TRAPPC9: variants seen among roughly 807,000 people sequenced by gnomAD.
The protein encoded by TRAPPC9 is trafficking protein particle complex subunit 9, also known as IKK2 binding protein.
TRAPPC9 carries 83 observed loss-of-function variants against 124.0 expected under a neutral mutation model. The observed-to-expected ratio is 0.67, with a 90% CI of 0.56 to 0.80. TRAPPC9 has a LOEUF of 0.80. Ranked by LOEUF, TRAPPC9 falls within the 30% of genes least tolerant of loss-of-function variation. The pLI, the probability that TRAPPC9 is intolerant of heterozygous loss-of-function variation, is 0.00. For synonymous variants in TRAPPC9, 638 were observed against 617.5 expected, an observed-to-expected ratio of 1.03 and a Z score of -0.49; for missense variants, 1,302 against 1,508.3, an observed-to-expected ratio of 0.86 and a Z score of 2.27.
At chr8:140,416,491 C>G (rs2069932025) in intron 5 of TRAPPC9, among the ~76,000 whole-genome samples, 1 of 152,052 alleles carries the variant, frequency 6.6e-6, no homozygotes, top group Non-Finnish European at 1.5e-5. Context: ...GAATAAAATA[C>G]CTAGGAATAC....
chr8:140,445,908 G>C (rs1489685775), intron 2 of TRAPPC9, among the ~76,000 whole-genome samples: 1 of 152,224 alleles, frequency 6.6e-6, no homozygotes, highest in African/African-American at 2.4e-5. Context: ...CAGCCAAAGA[G>C]TGTCCTGCAG....
intron 13 of TRAPPC9, among the ~76,000 whole-genome samples, chr8:140,285,150 C>A (rs780848353): frequency 1.3e-5 from 2 of 152,144 alleles, no homozygotes. Flanking sequence ...GTTCCCAAAG[C>A]GGGCTAAAAA....
intron 21 of TRAPPC9, among the ~76,000 whole-genome samples, chr8:139,802,272 G>C (rs1166286931): frequency 6.6e-6 from 1 of 152,188 alleles, no homozygotes; most frequent in Non-Finnish European, 1.5e-5. Flanking sequence ...AAGAAAATGA[G>C]GCCATGGGTT....
At chr8:140,258,910 G>A (rs1409935017) in intron 15 of TRAPPC9, among the ~76,000 whole-genome samples, 2 of 152,210 alleles carry the variant, frequency 1.3e-5, no homozygotes, top group Non-Finnish European at 2.9e-5. Context: ...ATACAGCTGA[G>A]ATACTGAGGC....
At position 140,182,474 on chromosome 8, in the gene TRAPPC9, C is replaced by T. The variant is rs2131016504; in HGVS notation, c.2556+38985G>A. Among the ~76,000 whole-genome samples the T allele has an allele frequency of 6.6e-6, 1 of 152,244 alleles. No homozygotes were observed. The highest frequency in any genetic ancestry group is 2.1e-4 in the South Asian group (1 of 4,826). On this transcript the variant is annotated intron_variant, in intron 17 of 22. Transcript: ENST00000438773. This position sits in a 1 kb window ranked among gnomAD's most constrained non-coding sequence, Gnocchi z 4.0. Reference sequence around the variant, plus strand: ...ACAGAAAACAGCTTCACTACTGATACATTAGTGTCTGCTAATTCTGAAACT... The same window carrying T: ...ACAGAAAACAGCTTCACTACTGATATATTAGTGTCTGCTAATTCTGAAACT...
At chr8:139,898,788 TA>T (rs1830827399) in intron 20 of TRAPPC9, among the ~76,000 whole-genome samples, 1 of 152,056 alleles carries the variant, frequency 6.6e-6, no homozygotes, top group African/African-American at 2.4e-5. Flanking sequence ...TCCGTGAATT[TA>T]AAAATCTGGC....
chr8:140,090,886 G>A (rs771899240), intron 17 of TRAPPC9, among the ~76,000 whole-genome samples: 5 of 152,192 alleles, frequency 3.3e-5, no homozygotes, highest in Non-Finnish European at 7.3e-5. Flanking sequence ...CATATTAATG[G>A]GCTGGCTTCT....
At position 140,063,555 on chromosome 8, in the gene TRAPPC9, G is replaced by A. The variant is rs1469716803; in HGVS notation, c.2557-39476C>T. Among the ~76,000 whole-genome samples, 3 of 152,108 alleles carry A rather than the reference G, an allele frequency of 2.0e-5. No individual in the cohort carries two copies. The highest frequency in any genetic ancestry group is 2.9e-5 in the Non-Finnish European group (2 of 68,026). ...AGGAGAAATGTTTGTTGAATGGATCGGGGAACAGAACAGTGAACGGCAATA... is the reference window on the plus strand; with the variant it reads ...AGGAGAAATGTTTGTTGAATGGATCAGGGAACAGAACAGTGAACGGCAATA... On this transcript the variant is annotated intron_variant, in intron 17 of 22. Coordinates refer to ENST00000438773, the MANE Select transcript of TRAPPC9 (RefSeq NM_001160372.4). This position sits in a 1 kb window ranked among gnomAD's most constrained non-coding sequence, Gnocchi z 4.3.
At chr8:140,219,658 T>C (rs2063288193) in intron 17 of TRAPPC9, among the ~76,000 whole-genome samples, 1 of 152,184 alleles carries the variant, frequency 6.6e-6, no homozygotes. Flanking sequence ...CTCGTGTGGC[T>C]TCCTGCTGTC....
At chr8:140,124,265 G>A (rs983951266) in intron 17 of TRAPPC9, among the ~76,000 whole-genome samples, 16 of 152,270 alleles carry the variant, frequency 1.1e-4, no homozygotes, top group Admixed American at 4.6e-4. Context: ...GGGGGGCTCT[G>A]CCTGAGCCCC....
At chr8:140,413,432 A>G (rs1254931002) in intron 5 of TRAPPC9, among the ~76,000 whole-genome samples, 1 of 152,016 alleles carries the variant, frequency 6.6e-6, no homozygotes, top group Non-Finnish European at 1.5e-5. Flanking sequence ...TCTGGACACC[A>G]TGATGAAAGG....
chr8:140,301,457 G>A (rs1187395778), intron 10 of TRAPPC9, among the ~76,000 whole-genome samples: 1 of 152,202 alleles, frequency 6.6e-6, no homozygotes, highest in East Asian at 1.9e-4. Context: ...ACGCAAGAGG[G>A]ACTAAGTATA....
In TRAPPC9 at chr8:139,788,694, G is replaced by A. The variant is rs937762751; in HGVS notation, c.3056-56492C>T. Among the ~76,000 whole-genome samples the A allele has an allele frequency of 1.3e-5, 2 of 152,176 alleles. No individual in the cohort carries two copies. Among genetic ancestry groups the A allele is most frequent in the Non-Finnish European group, 2.9e-5 (2 of 68,034 alleles). On this transcript the variant is annotated intron_variant, in intron 21 of 22. Coordinates refer to ENST00000438773, the MANE Select transcript of TRAPPC9 (RefSeq NM_001160372.4). The surrounding 1 kb of genome is among the most constrained non-coding windows in gnomAD (Gnocchi z 4.9). The stretch of plus-strand genomic sequence containing the variant: ...TCCCTCCTGACGGCCACGCAGAGTC[G>A]AGTTACCATCACGCCTGCCTTCGTG...
intron 21 of TRAPPC9, among the ~76,000 whole-genome samples, chr8:139,756,762 G>A (rs758842374): frequency 1.6e-5 from 2 of 126,554 alleles, no homozygotes; most frequent in African/African-American, 3.1e-5. Flanking sequence ...AAGGACAGCA[G>A]GTCGCAGGAG....
At chr8:140,243,599 C>T (rs2131446662) in intron 16 of TRAPPC9, among the ~76,000 whole-genome samples, 1 of 152,318 alleles carries the variant, frequency 6.6e-6, no homozygotes, top group East Asian at 1.9e-4. Flanking sequence ...TCACCAAAGT[C>T]AACCTGTCCC....
rs1049468468 is a variant in TRAPPC9, at chr8:139,788,463, G to A, written c.3056-56261C>T. ...AGAGCGGGAGCTGCGGAGGATCCCA[G>A]CCTGGCCCTTCCTGGTGCCAGCACC... is the stretch of plus-strand genomic sequence containing the variant. On this transcript the variant is annotated intron_variant, in intron 21 of 22. Transcript: ENST00000438773. The surrounding 1 kb of genome is among the most constrained non-coding windows in gnomAD (Gnocchi z 4.9). 1.3e-5 allele frequency among the ~76,000 whole-genome samples: 2 copies of A among 152,224 alleles called. No homozygotes were observed. Among genetic ancestry groups the A allele is most frequent in the African/African-American group, 4.8e-5 (2 of 41,458 alleles).
At chr8:139,846,808 T>A (rs1037982677) in intron 21 of TRAPPC9, among the ~76,000 whole-genome samples, 2 of 152,322 alleles carry the variant, frequency 1.3e-5, no homozygotes, top group South Asian at 2.1e-4. Flanking sequence ...CACCATGCTG[T>A]CTGTGGAGGA....
chr8:140,457,893 A>C, upstream of TRAPPC9: 2 of 761,656 alleles, frequency 2.6e-6, no homozygotes, highest in Non-Finnish European at 3.5e-6. Context: ...AGAAGAGGGG[A>C]CAGGGAGGGA....
At chr8:139,999,519 C>T (rs1199690007) in intron 18 of TRAPPC9, among the ~76,000 whole-genome samples, 1 of 152,020 alleles carries the variant, frequency 6.6e-6, no homozygotes, top group Non-Finnish European at 1.5e-5. Flanking sequence ...AGAACACAGA[C>T]ATGAAATCAA....
Sources: gnomAD v4.1 joint callset for allele counts (sites outside exome capture counted in the v4.1 genomes callset) on GRCh38, gnomAD v4.1.1 for gene constraint, Gnocchi (gnomAD v3.1) non-coding constraint, MANE v1.5 for transcripts, NCBI Gene and HGNC (gene_info 2026-07-23, HGNC 2026-07-21) for gene names.